Variants in LYPD6B observed in about 807,000 individuals in gnomAD.
LYPD6B encodes the protein ly6/PLAUR domain-containing protein 6B.
A neutral mutation model predicts 22.8 loss-of-function variants in LYPD6B; 17 were observed. That is an observed-to-expected ratio of 0.75 (90% confidence interval 0.51 to 1.12). The LOEUF (loss-of-function observed/expected upper bound fraction) is 1.12, where lower values mean the gene tolerates loss of function less well. LYPD6B is among the 50% of genes most tolerant of loss of function. The pLI is 0.00. For missense variants in LYPD6B, 221 were observed against 258.3 expected (o/e 0.86, Z 0.99); for synonymous variants, 106 against 91.6 (o/e 1.16, Z -0.90).
intron 1 of LYPD6B, among the ~76,000 whole-genome samples, chr2:149,070,469 C>T (rs1380860370): frequency 1.3e-5 from 2 of 152,090 alleles, no homozygotes; most frequent in East Asian, 3.8e-4. Context: ...GATCTCCTTC[C>T]CCCCTCATAT....
intron 1 of LYPD6B, among the ~76,000 whole-genome samples, chr2:149,122,633 T>C (rs891767449): frequency 2.9e-5 from 4 of 138,626 alleles, no homozygotes; most frequent in African/African-American, 5.3e-5. Flanking sequence ...AGTGTTCTCA[T>C]TGTTCAATTC....
chr2:149,210,388 A>T (rs1467029585), intron 5 of LYPD6B, among the ~76,000 whole-genome samples: 1 of 152,168 alleles, frequency 6.6e-6, no homozygotes, highest in African/African-American at 2.4e-5. Context: ...TCAATACGGA[A>T]TGGCCCTGCA....
At chr2:149,155,633 T>A (rs962248307) in intron 2 of LYPD6B, among the ~76,000 whole-genome samples, 5 of 152,216 alleles carry the variant, frequency 3.3e-5, no homozygotes, top group African/African-American at 4.8e-5. Context: ...ATCTGGAACA[T>A]GAGGACAGGC....
chr2:149,077,365 C>T (rs1344712136), intron 1 of LYPD6B, among the ~76,000 whole-genome samples: 1 of 152,178 alleles, frequency 6.6e-6, no homozygotes, highest in Non-Finnish European at 1.5e-5. Context: ...TAAATAACTG[C>T]CTGGACATGA....
At chr2:149,144,139 G>T (rs1688866024) in intron 2 of LYPD6B, among the ~76,000 whole-genome samples, 1 of 152,190 alleles carries the variant, frequency 6.6e-6, no homozygotes, top group Non-Finnish European at 1.5e-5. Context: ...CCTCAGAGGG[G>T]CTTATAGTAT....
At chr2:149,172,342 G>A (rs1170600125) in intron 3 of LYPD6B, among the ~76,000 whole-genome samples, 1 of 152,160 alleles carries the variant, frequency 6.6e-6, no homozygotes, top group Non-Finnish European at 1.5e-5. Context: ...TTTGGGTGGG[G>A]ACACAGCCAA....
chr2:149,125,247 A>T (rs1687629292), intron 1 of LYPD6B, among the ~76,000 whole-genome samples: 1 of 152,156 alleles, frequency 6.6e-6, no homozygotes, highest in Non-Finnish European at 1.5e-5. Flanking sequence ...AAGTCAAACA[A>T]CGCCTGGCCC....
intron 1 of LYPD6B, among the ~76,000 whole-genome samples, chr2:149,060,744 G>T (rs1425599934): frequency 1.3e-5 from 2 of 152,098 alleles, no homozygotes; most frequent in African/African-American, 4.8e-5. Context: ...GAATTATATT[G>T]CTCTCCTATA....
At chr2:149,189,356 A>ATATATATATATATATATATATG (rs1692339535) in intron 3 of LYPD6B, among the ~76,000 whole-genome samples, 1 of 83,234 alleles carries the variant, frequency 1.2e-5, no homozygotes, top group East Asian at 3.3e-4. Context: ...ATATATATAT[A>ATATATATATATATATATATATG]TATATATATA....
chr2:149,208,224 C>T lies in LYPD6B; in HGVS notation c.230-90C>T, dbSNP rs531265478. On this transcript the variant is annotated intron_variant, in intron 4 of 6. Transcript: ENST00000409642. ...TGAAAGCTTATAAGTTTTGTTTCAT[C>T]TGTTAAAGTTGCTCATTTTGTACCA... is the stretch of plus-strand genomic sequence containing the variant. The T allele has an allele frequency of 5.1e-5, 41 of 809,696 alleles. No homozygotes were observed. In the African/African-American group the frequency reaches 5.8e-4, roughly 11 times the overall value. 50.2% of individuals were successfully genotyped at this position (809,696 alleles called of 1,614,324 possible).
chr2:149,182,557 G>T (rs2105999494), intron 3 of LYPD6B, among the ~76,000 whole-genome samples: 1 of 152,284 alleles, frequency 6.6e-6, no homozygotes, highest in African/African-American at 2.4e-5. Flanking sequence ...TAAATAAGTT[G>T]CTTGGGTGAG....
intron 6 of LYPD6B, 98 bp downstream of exon 6, chr2:149,213,220 A>G (rs1334798486): frequency 6.9e-7 from 1 of 1,448,092 alleles, no homozygotes; most frequent in African/African-American, 1.4e-5. Flanking sequence ...TATGTGGACC[A>G]TGTTTACATT....
At chr2:149,113,854 T>C (rs1686877167) in intron 1 of LYPD6B, among the ~76,000 whole-genome samples, 1 of 152,220 alleles carries the variant, frequency 6.6e-6, no homozygotes, top group Non-Finnish European at 1.5e-5. Flanking sequence ...TTTCAGGAGA[T>C]GAAATTATCT....
At chr2:149,172,383 A>G (rs563960310) in intron 3 of LYPD6B, among the ~76,000 whole-genome samples, 3 of 152,266 alleles carry the variant, frequency 2.0e-5, no homozygotes, top group African/African-American at 7.2e-5. Context: ...TTAAGGTATC[A>G]GCAGCAGGAT....
intron 2 of LYPD6B, among the ~76,000 whole-genome samples, chr2:149,147,612 C>G (rs1434327284): frequency 6.6e-6 from 1 of 152,134 alleles, no homozygotes; most frequent in South Asian, 2.1e-4. Context: ...CTTCCAGGTT[C>G]AAGTGATTCT....
intron 3 of LYPD6B, among the ~76,000 whole-genome samples, chr2:149,180,400 ACTT>A (rs1160328455): frequency 6.6e-6 from 1 of 152,140 alleles, no homozygotes; most frequent in Non-Finnish European, 1.5e-5. Context: ...AACTTGCAGC[ACTT>A]CTTTGTCTTC....
At chr2:149,135,915 C>CAGGCTGGGAGTGG (rs1230224103) in intron 2 of LYPD6B, among the ~76,000 whole-genome samples, 4 of 151,960 alleles carry the variant, frequency 2.6e-5, no homozygotes, top group Non-Finnish European at 5.9e-5. Flanking sequence ...CTCCCCATGC[C>CAGGCTGGGAGTGG]AGGCTGGGAG....
chr2:149,083,733 C>T (rs1367985804), intron 1 of LYPD6B, among the ~76,000 whole-genome samples: 1 of 152,074 alleles, frequency 6.6e-6, no homozygotes, highest in Non-Finnish European at 1.5e-5. Context: ...GTGCTGCTGT[C>T]TCAATATTAC....
intron 1 of LYPD6B, among the ~76,000 whole-genome samples, chr2:149,101,916 T>C (rs745870961): frequency 1.1e-4 from 17 of 152,198 alleles, no homozygotes; most frequent in Non-Finnish European, 2.1e-4. Flanking sequence ...TTTTTAAAAC[T>C]CTTTCAGTCC....
Sources: gnomAD v4.1 joint callset for allele counts (sites outside exome capture counted in the v4.1 genomes callset) on GRCh38, gnomAD v4.1.1 for gene constraint, MANE v1.5 for transcripts, NCBI Gene and HGNC (gene_info 2026-07-23, HGNC 2026-07-21) for gene names.